Variants in ADAMTSL1 observed in about 807,000 individuals in gnomAD.
The protein encoded by ADAMTSL1 is ADAMTS-like protein 1.
A neutral mutation model predicts 201.8 loss-of-function variants in ADAMTSL1; 126 were observed. The ratio of observed to expected loss-of-function variants is 0.62; its 90% confidence interval spans 0.54 to 0.72. The LOEUF (loss-of-function observed/expected upper bound fraction) is 0.72, where lower values mean the gene tolerates loss of function less well. Ranked by LOEUF, ADAMTSL1 falls within the 30% of genes least tolerant of loss-of-function variation. ADAMTSL1 has a pLI of 0.00. For missense variants in ADAMTSL1, 2,679 were observed against 2,277.8 expected, an observed-to-expected ratio of 1.18 and a Z score of -3.59; for synonymous variants, 1,121 against 903.4, an observed-to-expected ratio of 1.24 and a Z score of -4.32.
chr9:18,658,533 C>A (rs949872669), intron 8 of ADAMTSL1, among the ~76,000 whole-genome samples: 15 of 152,194 alleles, frequency 9.9e-5, no homozygotes, highest in African/African-American at 3.6e-4. Context: ...TTCAACTCCA[C>A]CCCATCATCC....
intron 1 of ADAMTSL1, among the ~76,000 whole-genome samples, chr9:17,993,169 G>A (rs892071589): frequency 2.6e-5 from 4 of 152,164 alleles, no homozygotes; most frequent in African/African-American, 9.7e-5. Flanking sequence ...TCATAAAAAT[G>A]CTAGTAGGTT....
At chr9:18,877,270 G>C (rs1816446) in intron 23 of ADAMTSL1, among the ~76,000 whole-genome samples, 144,677 of 152,274 alleles carry the variant, frequency 0.95, 68,816 homozygotes, top group East Asian at 1. Context: ...GGGTTTGGAG[G>C]CGTTCCTGGT....
chr9:18,788,151 C>G (rs1437795636), intron 19 of ADAMTSL1, among the ~76,000 whole-genome samples: 2 of 152,156 alleles, frequency 1.3e-5, no homozygotes, highest in African/African-American at 4.8e-5. Context: ...TGATATGAAA[C>G]TCTTCATGAA....
Position 18,474,173 on chromosome 9 carries a change from G to T in ADAMTSL1, c.-60G>T. On this transcript the variant is annotated 5_prime_UTR_variant, in exon 1 of 29. Coordinates refer to ENST00000380548, the MANE Select transcript of ADAMTSL1 (RefSeq NM_001040272.6). ...GCACCAGTACTGGATGTGACAGCAG[G>T]CAGAGGAGCACTTAGCAGCTTATTC... 3.3e-6 allele frequency: 5 copies of T among 1,516,750 alleles called. No homozygotes were observed. The South Asian group carries it at 5.7e-5, about 17-fold the overall frequency. 94.0% of individuals were successfully genotyped at this position (1,516,750 alleles called of 1,614,324 possible).
chr9:18,739,933 C>G (rs1471044869), intron 15 of ADAMTSL1, among the ~76,000 whole-genome samples: 2 of 124,542 alleles, frequency 1.6e-5, no homozygotes, highest in Non-Finnish European at 3.4e-5. Context: ...GTGTGTGTGT[C>G]TCCCCAGCCC....
At chr9:18,314,820 G>A (rs1246419067) in intron 2 of ADAMTSL1, among the ~76,000 whole-genome samples, 13 of 78,844 alleles carry the variant, frequency 1.6e-4, no homozygotes, top group African/African-American at 5.0e-4. Flanking sequence ...TTTTTGAGAC[G>A]GAGTCTTGCT....
intron 13 of ADAMTSL1, chr9:18,685,100 G>C: frequency 1.7e-6 from 1 of 606,058 alleles, no homozygotes; most frequent in South Asian, 6.6e-5. Flanking sequence ...GAAGGCCCAG[G>C]CTGCAGCTGA....
chr9:18,188,965 A>T (rs972077044), intron 2 of ADAMTSL1, among the ~76,000 whole-genome samples: 4 of 152,202 alleles, frequency 2.6e-5, no homozygotes, highest in African/African-American at 7.2e-5. Flanking sequence ...TAGCTTGCTT[A>T]GGTCACACTG....
chr9:17,978,596 G>A lies in ADAMTSL1; in HGVS notation c.87+71674G>A, dbSNP rs977414999. Reference sequence around the variant, plus strand: ...TTTTATTTCTCCCTCCACATTTTATGTTTTTACTGTCATAAATTAAACTTT... The same window carrying A: ...TTTTATTTCTCCCTCCACATTTTATATTTTTACTGTCATAAATTAAACTTT... On this transcript the variant is annotated intron_variant, in intron 1 of 29. Transcript: ENST00000680146. Among the ~76,000 whole-genome samples the A allele has an allele frequency of 3.3e-5, 5 of 151,978 alleles. No homozygotes were observed. In the Middle Eastern group the frequency reaches 0.014, roughly 414 times the overall value.
At chr9:18,841,136 C>T (rs1484380075) in intron 23 of ADAMTSL1, among the ~76,000 whole-genome samples, 1 of 151,598 alleles carries the variant, frequency 6.6e-6, no homozygotes, top group Non-Finnish European at 1.5e-5. Context: ...GGAATGCTTC[C>T]AGTTTTTGCC....
chr9:18,777,980 C>A, intron 19 of ADAMTSL1, 74 bp downstream of exon 19: 2 of 1,501,462 alleles, frequency 1.3e-6, no homozygotes, highest in Non-Finnish European at 1.8e-6. Flanking sequence ...ACTACTTACA[C>A]ATTCTTCAAG....
At chr9:17,999,144 G>T (rs552998334) in intron 1 of ADAMTSL1, among the ~76,000 whole-genome samples, 1 of 152,174 alleles carries the variant, frequency 6.6e-6, no homozygotes, top group Non-Finnish European at 1.5e-5. Flanking sequence ...AAGCAGAACT[G>T]ATTGTGTGAT....
chr9:18,409,379 G>A (rs142403899), intron 2 of ADAMTSL1, among the ~76,000 whole-genome samples: 8,520 of 86,016 alleles, frequency 0.099, 738 homozygotes, highest in African/African-American at 0.28. Flanking sequence ...TTGAAACTCC[G>A]TCTCAAAAAA....
chr9:18,839,073 G>A (rs1288904166), intron 23 of ADAMTSL1, among the ~76,000 whole-genome samples: 2 of 146,294 alleles, frequency 1.4e-5, no homozygotes, highest in Non-Finnish European at 3.0e-5. Context: ...TAGGGTACAT[G>A]TGCACAATGT....
intron 23 of ADAMTSL1, among the ~76,000 whole-genome samples, chr9:18,853,916 T>TGCGC (rs1377328203): frequency 8.2e-6 from 1 of 122,668 alleles, no homozygotes; most frequent in Non-Finnish European, 1.8e-5. Context: ...TGTGTGTGTG[T>TGCGC]GTGCGCGTGC....
chr9:18,847,785 A>AG (rs1401667892), intron 23 of ADAMTSL1, among the ~76,000 whole-genome samples: 1 of 152,254 alleles, frequency 6.6e-6, no homozygotes, highest in African/African-American at 2.4e-5. Flanking sequence ...GAGGTAACAG[A>AG]GGGAGTACAC....
chr9:18,296,428 G>A (rs1013547406), intron 2 of ADAMTSL1, among the ~76,000 whole-genome samples: 2 of 152,058 alleles, frequency 1.3e-5, no homozygotes, highest in Non-Finnish European at 2.9e-5. Context: ...GGTGATATAA[G>A]AGAATTCATA....
chr9:18,129,815 C>T (rs541728582), intron 1 of ADAMTSL1, among the ~76,000 whole-genome samples: 6 of 152,274 alleles, frequency 3.9e-5, no homozygotes, highest in East Asian at 1.9e-4. Context: ...TTTGGTGTGT[C>T]TTGCACGGCC....
rs115612157 is a variant in ADAMTSL1 at position 18,327,963 on chromosome 9, C to T, written c.207+163982C>T. Among the ~76,000 whole-genome samples the T allele has an allele frequency of 5.3e-3, 800 of 151,892 alleles. 9 individuals carry two copies. The highest frequency in any genetic ancestry group is 0.019 in the African/African-American group (772 of 41,430). On this transcript the variant is annotated intron_variant, in intron 2 of 29. Transcript: ENST00000680146. The stretch of plus-strand genomic sequence containing the variant: ...TTTTTGTTTGTTTGTTTGTTTTTTC[C>T]TGTTTTAAAGTAACATATACTCTAT...
Sources: gnomAD v4.1 joint callset for allele counts (sites outside exome capture counted in the v4.1 genomes callset) on GRCh38, gnomAD v4.1.1 for gene constraint, MANE v1.5 for transcripts, NCBI Gene and HGNC (gene_info 2026-07-23, HGNC 2026-07-21) for gene names.